The following ANKRD13C variants were observed in gnomAD, a reference collection of about 807,000 sequenced individuals.
ANKRD13C encodes ankyrin repeat domain 13C, also known as ankyrin repeat domain-containing protein 13C.
ANKRD13C carries 16 observed loss-of-function variants against 65.5 expected under a neutral mutation model. The observed-to-expected ratio is 0.24, with a 90% confidence interval of 0.17 to 0.37. The LOEUF (loss-of-function observed/expected upper bound fraction) is 0.37, where lower values mean the gene tolerates loss of function less well. Among genes scored for constraint, ANKRD13C ranks in the 10% least tolerant of loss-of-function variants. The pLI is 1.00. For missense variants in ANKRD13C, 503 were observed against 655.9 expected (o/e 0.77, Z 2.55); for synonymous variants, 235 against 238.7 (o/e 0.98, Z 0.14).
chr1:70,285,979 A>G lies in ANKRD13C; in HGVS notation c.1215+6409T>C, dbSNP rs924805525. Among the ~76,000 whole-genome samples, 11 of 152,234 alleles carry G rather than the reference A, an allele frequency of 7.2e-5. No homozygotes were observed. The South Asian group carries it at 1.9e-3, about 26-fold the overall frequency. ...TAAAATTATAAACAAAATACATACA[A>G]ACATTTATTTTCTTCTTTAATGACC... is the stretch of plus-strand genomic sequence containing the variant. On this transcript the variant is annotated intron_variant, in intron 9 of 12. Coordinates refer to ENST00000370944, the MANE Select transcript of ANKRD13C (RefSeq NM_030816.5).
chr1:70,317,618 T>C (rs1681127662), intron 3 of ANKRD13C, among the ~76,000 whole-genome samples: 1 of 152,172 alleles, frequency 6.6e-6, no homozygotes, highest in South Asian at 2.1e-4. Context: ...ATCAATGACT[T>C]AGATAATCAT....
intron 10 of ANKRD13C, 71 bp downstream of exon 10, chr1:70,276,694 T>G (rs1679149676): frequency 8.4e-7 from 1 of 1,195,424 alleles, no homozygotes. Flanking sequence ...CGCCAAAATA[T>G]TCACATATTC....
chr1:70,332,309 A>G (rs1681852329), intron 2 of ANKRD13C, among the ~76,000 whole-genome samples: 1 of 152,192 alleles, frequency 6.6e-6, no homozygotes, highest in Non-Finnish European at 1.5e-5. Context: ...ACAACAAAGA[A>G]AACTTTTTAA....
rs1230952396 is a variant in ANKRD13C at position 70,259,397 on chromosome 1, T to C, written c.*3320A>G. Among the ~76,000 whole-genome samples the C allele has an allele frequency of 6.6e-6, 1 of 152,236 alleles. No homozygotes were observed. The highest frequency in any genetic ancestry group is 1.9e-4 in the East Asian group (1 of 5,200). On this transcript the variant is annotated 3_prime_UTR_variant, in exon 13 of 13. Transcript: ENST00000370944. ...TTTTCAGTGTGTGGAAAAAGCAAAA[T>C]TGTAATTCTATGTACCATAGGTACC...
intron 6 of ANKRD13C, among the ~76,000 whole-genome samples, chr1:70,303,599 T>C (rs1354661147): frequency 2.6e-5 from 4 of 152,206 alleles, no homozygotes; most frequent in African/African-American, 7.2e-5. Flanking sequence ...TTGCTCACAC[T>C]TTCCTATTTC....
At chr1:70,323,458 C>T (rs975611491) in intron 3 of ANKRD13C, among the ~76,000 whole-genome samples, 1 of 151,856 alleles carries the variant, frequency 6.6e-6, no homozygotes, top group African/African-American at 2.4e-5. Context: ...GCCTGACCAA[C>T]ATGGTGAAAC....
chr1:70,297,393 A>G (rs1680135966), intron 7 of ANKRD13C, among the ~76,000 whole-genome samples: 1 of 143,796 alleles, frequency 7.0e-6, no homozygotes, highest in South Asian at 2.2e-4. Flanking sequence ...TCCCGGGTTC[A>G]CACCATTCTC....
At chr1:70,319,012 C>T (rs977467387) in intron 3 of ANKRD13C, among the ~76,000 whole-genome samples, 3 of 152,100 alleles carry the variant, frequency 2.0e-5, no homozygotes, top group African/African-American at 7.2e-5. Flanking sequence ...TCTGATCTAT[C>T]CCTTCCTTCT....
chr1:70,288,936 T>C (rs975570317), intron 9 of ANKRD13C, among the ~76,000 whole-genome samples: 5 of 152,194 alleles, frequency 3.3e-5, no homozygotes, highest in Admixed American at 2.6e-4. Flanking sequence ...TACAACTGTA[T>C]GTGAATTTAC....
Position 70,345,236 on chromosome 1 carries a change from C to G in ANKRD13C, c.430+8743G>C, listed in dbSNP as rs191442467. ...CCTGAGGTAGGGAGTTTGAGACCAGCCTGACCAATATGGAGAAACCCCGTC... is the reference window on the plus strand; with the variant it reads ...CCTGAGGTAGGGAGTTTGAGACCAGGCTGACCAATATGGAGAAACCCCGTC... On this transcript the variant is annotated intron_variant, in intron 1 of 12. Coordinates refer to ENST00000370944, the MANE Select transcript of ANKRD13C (RefSeq NM_030816.5). Among the ~76,000 whole-genome samples the G allele has an allele frequency of 2.7e-3, 406 of 152,086 alleles. 2 individuals are homozygous for G. The highest frequency in any genetic ancestry group is 9.5e-3 in the African/African-American group (393 of 41,488).
chr1:70,342,780 A>G (rs1209477268), intron 1 of ANKRD13C, among the ~76,000 whole-genome samples: 1 of 151,372 alleles, frequency 6.6e-6, no homozygotes, highest in African/African-American at 2.4e-5. Flanking sequence ...ACAAAATAAC[A>G]CTTGCTGCTG....
intron 2 of ANKRD13C, among the ~76,000 whole-genome samples, chr1:70,326,717 A>G (rs954606480): frequency 5.9e-5 from 9 of 152,204 alleles, no homozygotes; most frequent in Admixed American, 4.6e-4. Context: ...CAGTAGGGCA[A>G]TAACAGACAT....
chr1:70,330,327 G>A (rs1216538353), intron 2 of ANKRD13C, among the ~76,000 whole-genome samples: 1 of 152,104 alleles, frequency 6.6e-6, no homozygotes, highest in African/African-American at 2.4e-5. Flanking sequence ...GGAGGCCAAG[G>A]TGGGTGGATC....
chr1:70,320,478 C>T (rs1441351472), intron 3 of ANKRD13C, among the ~76,000 whole-genome samples: 3 of 151,934 alleles, frequency 2.0e-5, no homozygotes, highest in Admixed American at 6.6e-5. Context: ...GGGCCACATA[C>T]GCACATCACC....
chr1:70,322,008 T>C (rs148907397), intron 3 of ANKRD13C, among the ~76,000 whole-genome samples: 1,594 of 152,238 alleles, frequency 0.01, 27 homozygotes, highest in Middle Eastern at 0.034. Context: ...TCACAGTGCT[T>C]AAGATAATTT....
chr1:70,318,479 T>C (rs982840282), intron 3 of ANKRD13C, among the ~76,000 whole-genome samples: 1 of 152,114 alleles, frequency 6.6e-6, no homozygotes, highest in African/African-American at 2.4e-5. Flanking sequence ...CCTGGACAAT[T>C]CTACCTGATG....
rs895122284 is a variant in ANKRD13C, at chr1:70,296,357, T to C, written c.922-96A>G. The C allele has an allele frequency of 8.9e-6, 11 of 1,231,130 alleles. No individual in the cohort carries two copies. The African/African-American group carries it at 1.7e-4, about 19-fold the overall frequency. 76.3% of individuals were successfully genotyped at this position (1,231,130 alleles called of 1,614,324 possible). The stretch of plus-strand genomic sequence containing the variant: ...TATCAACAATTATAATGGTACCAAT[T>C]TTTAAAGACAAAAAGGATAGTTTCT... On this transcript the variant is annotated intron_variant, in intron 7 of 12. Coordinates refer to ENST00000370944, the MANE Select transcript of ANKRD13C (RefSeq NM_030816.5).
intron 4 of ANKRD13C, among the ~76,000 whole-genome samples, chr1:70,315,006 A>C (rs1164583398): frequency 6.6e-6 from 1 of 152,200 alleles, no homozygotes; most frequent in African/African-American, 2.4e-5. Flanking sequence ...TAGGAGGCTG[A>C]GGCAGGCGGA....
At chr1:70,276,051 A>G (rs1679121496) in intron 10 of ANKRD13C, among the ~76,000 whole-genome samples, 1 of 151,940 alleles carries the variant, frequency 6.6e-6, no homozygotes. Context: ...TCAATAAGAA[A>G]AAAAAATGAC....
Sources: allele counts gnomAD v4.1 joint callset (sites outside exome capture counted in the v4.1 genomes callset), GRCh38; gene constraint gnomAD v4.1.1; transcripts MANE v1.5; gene names NCBI Gene and HGNC (gene_info 2026-07-23, HGNC 2026-07-21).